Variants in PSMF1 observed in about 807,000 individuals in gnomAD.
PSMF1 encodes the protein proteasome inhibitor subunit 1.
In PSMF1, 30 loss-of-function variants were observed where a neutral mutation model predicts 29.3. That is an observed-to-expected ratio of 1.02 (90% CI 0.77 to 1.39). The LOEUF (loss-of-function observed/expected upper bound fraction) is 1.39, where lower values mean the gene tolerates loss of function less well. Ranked by LOEUF, PSMF1 falls within the 40% of genes most tolerant of loss-of-function variation. PSMF1 has a pLI of 0.00. For missense variants in PSMF1, 344 were observed against 357.5 expected (o/e 0.96, Z 0.31); for synonymous variants, 134 against 139.7 (o/e 0.96, Z 0.29).
At chr20:1,145,546 T>C in intron 4 of PSMF1, among the ~76,000 whole-genome samples, 1 of 152,130 alleles carries the variant, frequency 6.6e-6, no homozygotes. Context: ...TGCAGAGCCC[T>C]GGAAGGACAG....
Position 1,163,279 on chromosome 20 carries a change from T to G in PSMF1, c.605+96T>G. ...AATTTTAGAGTTTTCGGTCAGTCTC[T>G]TCCTTTGGGGTGGAGGAGGCAGTTG... On this transcript the variant is annotated intron_variant, in intron 5 of 6. Transcript: ENST00000335877. The surrounding 1 kb of genome is among the most constrained non-coding windows in gnomAD (Gnocchi z 6.1). The G allele has an allele frequency of 7.2e-7, 1 of 1,398,322 alleles. No homozygotes were observed. The highest frequency in any genetic ancestry group is 1.0e-6 in the Non-Finnish European group (1 of 1,002,310). The allele number at this position is 1,398,322 out of a possible 1,614,324, so 86.6% of individuals were successfully genotyped here.
In PSMF1 at chr20:1,163,897, AC is replaced by A; in HGVS notation, c.606-420del. The stretch of plus-strand genomic sequence containing the variant: ...GGGAAAGAGAAAAAAAACCAACATC[AC>A]GAATTACCTCAATGCTATAATTAGT... On this transcript the variant is annotated intron_variant, in intron 5 of 6. Transcript: ENST00000335877. This position sits in a 1 kb window ranked among gnomAD's most constrained non-coding sequence, Gnocchi z 6.1. 6.6e-6 allele frequency among the ~76,000 whole-genome samples: 1 copy of A among 152,166 alleles called. No individual in the cohort carries two copies. Among genetic ancestry groups the A allele is most frequent in the Non-Finnish European group, 1.5e-5 (1 of 68,026 alleles).
chr20:1,164,091 C>G lies in PSMF1; in HGVS notation c.606-227C>G, dbSNP rs1034834684. Among the ~76,000 whole-genome samples the G allele has an allele frequency of 2.6e-5, 4 of 152,120 alleles. No homozygotes were observed. The highest frequency in any genetic ancestry group is 9.7e-5 in the African/African-American group (4 of 41,418). On this transcript the variant is annotated intron_variant, in intron 5 of 6. Coordinates refer to ENST00000335877, the MANE Select transcript of PSMF1 (RefSeq NM_006814.5). This position sits in a 1 kb window ranked among gnomAD's most constrained non-coding sequence, Gnocchi z 4.1. ...AACCAAAAGCACTGTGCAGAACCAA[C>G]CCCTGCAGAGCCAGAAGTACTCAGC... is the stretch of plus-strand genomic sequence containing the variant.
intron 1 of PSMF1, among the ~76,000 whole-genome samples, chr20:1,121,128 GTT>G (rs11478083): frequency 1.2e-3 from 187 of 149,648 alleles, no homozygotes; most frequent in Non-Finnish European, 2.0e-3. Context: ...CATTTTAATA[GTT>G]TTTTTTTTTT....
chr20:1,146,808 T>C (rs1206521565), intron 4 of PSMF1, among the ~76,000 whole-genome samples: 1 of 152,214 alleles, frequency 6.6e-6, no homozygotes, highest in Non-Finnish European at 1.5e-5. Flanking sequence ...TAATTATAGC[T>C]GTGTCAAAGG....
chr20:1,158,821 C>T (rs780376536), intron 4 of PSMF1, among the ~76,000 whole-genome samples: 1 of 152,180 alleles, frequency 6.6e-6, no homozygotes, highest in Non-Finnish European at 1.5e-5. Context: ...TTAGCACATG[C>T]AAGACTGAGA....
intron 4 of PSMF1, among the ~76,000 whole-genome samples, chr20:1,146,192 A>G (rs531657129): frequency 1.6e-4 from 24 of 152,174 alleles, no homozygotes; most frequent in African/African-American, 5.5e-4. Context: ...GGGAAAGGCT[A>G]CTTGGAAGTG....
chr20:1,161,406 T>C, intron 4 of PSMF1: 1 of 386,996 alleles, frequency 2.6e-6, no homozygotes, highest in Non-Finnish European at 4.8e-6. Flanking sequence ...TGAGACCACC[T>C]TCAGCTCTAT....
At chr20:1,134,604 A>G (rs2086277850) in intron 3 of PSMF1, among the ~76,000 whole-genome samples, 1 of 152,136 alleles carries the variant, frequency 6.6e-6, no homozygotes, top group Admixed American at 6.5e-5. Flanking sequence ...ACAGGCATAG[A>G]AAAAGAGGCC....
chr20:1,124,281 G>A (rs1275607087), intron 1 of PSMF1, among the ~76,000 whole-genome samples: 1 of 151,850 alleles, frequency 6.6e-6, no homozygotes. Context: ...ACTTTAGTAT[G>A]GAAAGTCTTA....
rs183883140 is a variant in PSMF1, at chr20:1,164,094, C to A, written c.606-224C>A. On this transcript the variant is annotated intron_variant, in intron 5 of 6. Transcript: ENST00000335877. This position sits in a 1 kb window ranked among gnomAD's most constrained non-coding sequence, Gnocchi z 4.1. Reference sequence around the variant, plus strand: ...CAAAAGCACTGTGCAGAACCAACCCCTGCAGAGCCAGAAGTACTCAGCTGT... The same window carrying A: ...CAAAAGCACTGTGCAGAACCAACCCATGCAGAGCCAGAAGTACTCAGCTGT... Among the ~76,000 whole-genome samples, 3 of 152,294 alleles carry A rather than the reference C, an allele frequency of 2.0e-5. No homozygotes were observed. Among genetic ancestry groups the A allele is most frequent in the African/African-American group, 7.2e-5 (3 of 41,554 alleles).
intron 1 of PSMF1, chr20:1,113,491 C>CACACACAA (rs1335392840): frequency 1.9e-5 from 3 of 157,236 alleles, no homozygotes; most frequent in African/African-American, 4.9e-5. Context: ...CACACACACA[C>CACACACAA]ACCAGCCCCA....
chr20:1,146,669 T>C (rs2122552222), intron 4 of PSMF1, among the ~76,000 whole-genome samples: 1 of 152,234 alleles, frequency 6.6e-6, no homozygotes, highest in East Asian at 1.9e-4. Context: ...AAGGAGAGTA[T>C]TTTGCGGCAA....
intron 4 of PSMF1, among the ~76,000 whole-genome samples, chr20:1,153,891 CAG>C (rs1264219709): frequency 6.6e-6 from 1 of 152,036 alleles, no homozygotes; most frequent in Non-Finnish European, 1.5e-5. Flanking sequence ...AGTGGAGTGA[CAG>C]AGGATAAGAA....
chr20:1,138,864 T>TA (rs371495539), intron 4 of PSMF1, among the ~76,000 whole-genome samples: 4 of 147,914 alleles, frequency 2.7e-5, no homozygotes, highest in East Asian at 2.0e-4. Flanking sequence ...CAAAAGCAAA[T>TA]AAAAAAACAA....
At chr20:1,122,517 C>G (rs1444616729) in intron 1 of PSMF1, among the ~76,000 whole-genome samples, 4 of 152,002 alleles carry the variant, frequency 2.6e-5, no homozygotes, top group African/African-American at 9.7e-5. Flanking sequence ...CCAGGCTGGT[C>G]TCGAACTCCT....
At position 1,164,987 on chromosome 20, in the gene PSMF1, C is replaced by T. The variant is rs1175708030; in HGVS notation, c.765-42C>T. On this transcript the variant is annotated intron_variant, in intron 6 of 6. Transcript: ENST00000335877. The surrounding 1 kb of genome is among the most constrained non-coding windows in gnomAD (Gnocchi z 4.1). The stretch of plus-strand genomic sequence containing the variant: ...TCATGTCTGCCCATGTTCCCCTGGT[C>T]TCTCCATCACTCCAACTCATCAGCC... 1 of 1,537,282 alleles carries T rather than the reference C, an allele frequency of 6.5e-7. No individual in the cohort carries two copies.
chr20:1,162,937 G>A (rs2086684633), intron 4 of PSMF1, among the ~76,000 whole-genome samples, 193 bp from the exon 5 acceptor site: 2 of 152,104 alleles, frequency 1.3e-5, no homozygotes, highest in Non-Finnish European at 1.5e-5. Flanking sequence ...TTAGGTTTGT[G>A]TTCCGCCCTT....
chr20:1,155,520 A>G (rs1489305926), intron 4 of PSMF1, among the ~76,000 whole-genome samples: 1 of 152,190 alleles, frequency 6.6e-6, no homozygotes, highest in Non-Finnish European at 1.5e-5. Context: ...TGCTCAGAGG[A>G]CCCAAAAAGG....
Sources: gnomAD v4.1 joint callset for allele counts (sites outside exome capture counted in the v4.1 genomes callset) on GRCh38, gnomAD v4.1.1 for gene constraint, Gnocchi (gnomAD v3.1) non-coding constraint, MANE v1.5 for transcripts, NCBI Gene and HGNC (gene_info 2026-07-23, HGNC 2026-07-21) for gene names.